The following KDR variants were observed in gnomAD, a reference collection of about 807,000 sequenced individuals.
KDR encodes kinase insert domain receptor.
KDR carries 43 observed loss-of-function variants against 160.9 expected under a neutral mutation model. The ratio of observed to expected loss-of-function variants is 0.27; its 90% CI spans 0.21 to 0.34. The LOEUF (loss-of-function observed/expected upper bound fraction) is 0.34. KDR is among the 10% of genes least tolerant of loss of function. KDR has a pLI of 1.00. For synonymous variants in KDR, 617 were observed against 600.1 expected, an observed-to-expected ratio of 1.03 and a Z score of -0.41; for missense variants, 1,469 against 1,666.4, an observed-to-expected ratio of 0.88 and a Z score of 2.06.
At chr4:55,102,563 T>G in intron 13 of KDR, 55 bp from the exon 14 acceptor site, 1 of 1,596,728 alleles carries the variant, frequency 6.3e-7, no homozygotes, top group Middle Eastern at 1.7e-4. Context: ...TTGAAATGGT[T>G]CTGGTATCAG....
At chr4:55,097,287 T>C (rs1002363951) in intron 18 of KDR, among the ~76,000 whole-genome samples, 1 of 152,242 alleles carries the variant, frequency 6.6e-6, no homozygotes, top group African/African-American at 2.4e-5. Flanking sequence ...TATTTCACTA[T>C]CTTCCTTTCC....
intron 15 of KDR, 53 bp downstream of exon 15, chr4:55,101,844 C>T: frequency 6.8e-7 from 1 of 1,463,946 alleles, no homozygotes; most frequent in Non-Finnish European, 9.5e-7. Context: ...CTTTTTACGG[C>T]TGCATAGCAT....
At chr4:55,103,158 A>G (rs1024725999) in intron 13 of KDR, among the ~76,000 whole-genome samples, 2 of 152,196 alleles carry the variant, frequency 1.3e-5, no homozygotes, top group African/African-American at 4.8e-5. Context: ...CAAAACAACA[A>G]TACCCTAAGG....
At chr4:55,100,666 G>A (rs368135291) in intron 15 of KDR, among the ~76,000 whole-genome samples, 1 of 152,160 alleles carries the variant, frequency 6.6e-6, no homozygotes, top group African/African-American at 2.4e-5. Flanking sequence ...ATTTGCAAGT[G>A]TAGTTTATGA....
chr4:55,105,259 A>G (rs1720417383), intron 12 of KDR, among the ~76,000 whole-genome samples: 1 of 152,200 alleles, frequency 6.6e-6, no homozygotes, highest in Non-Finnish European at 1.5e-5. Context: ...TAAAAATCCA[A>G]AGCAAAATCT....
chr4:55,082,543 A>T lies in KDR; in HGVS notation c.3755T>A (p.Ile1252Asn), dbSNP rs111307973. ...IPLEEPEVKV[I>N]PDDNQTDSGM... ...TTTAAAAGACGTACTTACATCTGGGATTACTTTTACTTCTGGTTCTTCTAA... is the reference window on the plus strand; with the variant it reads ...TTTAAAAGACGTACTTACATCTGGGTTTACTTTTACTTCTGGTTCTTCTAA... Residue 1252 changes from isoleucine (I) to asparagine (N), a missense_variant, in exon 28 of 30, where the codon ATC (isoleucine) becomes AAC (asparagine). Physicochemically the swap from Ile to Asn is moderately radical, Grantham distance 149. Around this residue, in one of 7 missense-constraint regions of KDR, gnomAD observed 229 missense variants for 197.8 expected, o/e 1.16. Coordinates refer to ENST00000263923, the MANE Select transcript of KDR (RefSeq NM_002253.4). 1.4e-5 allele frequency: 22 copies of T among 1,605,302 alleles called. No individual in the cohort carries two copies. Among genetic ancestry groups the T allele is most frequent in the Non-Finnish European group, 1.9e-5 (22 of 1,172,128 alleles).
intron 19 of KDR, 44 bp from the exon 20 acceptor site, chr4:55,095,709 A>G (rs987089822): frequency 1.5e-6 from 2 of 1,372,616 alleles, no homozygotes; most frequent in South Asian, 1.2e-5. Flanking sequence ...TTTCACTCAT[A>G]TTCCTCACTA....
In KDR at chr4:55,079,862, G is replaced by C. The variant is rs937239365; in HGVS notation, c.*79C>G. The C allele has an allele frequency of 2.8e-5, 36 of 1,276,062 alleles. No individual in the cohort carries two copies. The highest frequency in any genetic ancestry group is 3.9e-5 in the Non-Finnish European group (34 of 872,908). The allele number at this position is 1,276,062 out of a possible 1,614,324, so 79.0% of individuals were successfully genotyped here. On this transcript the variant is annotated 3_prime_UTR_variant, in exon 30 of 30. Coordinates refer to ENST00000263923, the MANE Select transcript of KDR (RefSeq NM_002253.4). ...AAATCAAATGCGGCTACTTCCTGCT[G>C]GTGGAAAGAACAACACTTGAAAATC...
Position 55,082,057 on chromosome 4 carries a change from T to C in KDR, c.3763-16A>G. On this transcript the variant is annotated splice_polypyrimidine_tract_variant and intron_variant, in intron 28 of 29. Transcript: ENST00000263923. ...TCTGGTTGTCCTTTTTAAGAGACAA[T>C]GAGATGGCACAGTTAATTGAGCATA... 1 of 1,538,732 alleles carries C rather than the reference T, an allele frequency of 6.5e-7. No individual in the cohort carries two copies. Among genetic ancestry groups the C allele is most frequent in the Non-Finnish European group, 9.0e-7 (1 of 1,111,340 alleles).
intron 7 of KDR, among the ~76,000 whole-genome samples, chr4:55,111,669 A>G (rs1172316064): frequency 6.6e-6 from 1 of 152,222 alleles, no homozygotes; most frequent in East Asian, 1.9e-4. Context: ...AAGCCAGAGC[A>G]CATCTCTCTC....
intron 27 of KDR, among the ~76,000 whole-genome samples, chr4:55,083,458 A>T (rs1178213844): frequency 6.6e-6 from 1 of 152,184 alleles, no homozygotes; most frequent in African/African-American, 2.4e-5. Context: ...GCCCTCTTCA[A>T]ACAAAGCTCA....
Position 55,097,714 on chromosome 4 carries a change from A to G in KDR, c.2562T>C (p.Phe854=), listed in dbSNP as rs1234810020. 6.2e-7 allele frequency: 1 copy of G among 1,613,310 alleles called. No homozygotes were observed. Among genetic ancestry groups the G allele is most frequent in the Non-Finnish European group, 8.5e-7 (1 of 1,179,686 alleles). ...TGCAAGTTGCTGTCTTGTCAATTCC[A>G]AAGGCATCTGCTTCAATCACTTGGC... ...AFGQVIEADA[F]GIDKTATCRT... Residue 854 remains phenylalanine (F), a synonymous_variant, in exon 18 of 30, where the codon TTT becomes TTC. Transcript: ENST00000263923.
At chr4:55,108,175 A>C (rs1578136100) in intron 9 of KDR, among the ~76,000 whole-genome samples, 1 of 149,346 alleles carries the variant, frequency 6.7e-6, no homozygotes, top group East Asian at 2.0e-4. Context: ...AGCCTGGGCC[A>C]CATGGTGAGA....
At chr4:55,099,299 C>A (rs1345348924) in intron 15 of KDR, among the ~76,000 whole-genome samples, 1 of 152,158 alleles carries the variant, frequency 6.6e-6, no homozygotes. Context: ...GGATTACAGG[C>A]ATAAGCCACC....
At chr4:55,111,462 C>T (rs987670234) in intron 7 of KDR, among the ~76,000 whole-genome samples, 31 of 152,244 alleles carry the variant, frequency 2.0e-4, no homozygotes, top group African/African-American at 6.3e-4. Context: ...AATTGATCAG[C>T]GGACCCTGTT....
At chr4:55,111,850 C>G (rs1334345687) in intron 7 of KDR, among the ~76,000 whole-genome samples, 2 of 152,314 alleles carry the variant, frequency 1.3e-5, no homozygotes, top group African/African-American at 4.8e-5. Flanking sequence ...GAGTTCCAAT[C>G]TCAGCTTCAA....
chr4:55,104,804 A>C lies in KDR; in HGVS notation c.1826T>G (p.Leu609Arg). ...GAACATGGTGGCATTCAATTTCCAA[A>C]GAGTATCCAAGTTCTTGCAAACAGG... ...PTPVCKNLDT[L>R]WKLNATMFSN... The change falls in exon 13 of 30, where the codon CTT becomes CGT. Residue 609 changes from leucine (L) to arginine (R), a missense_variant. Leu to Arg is a moderately radical substitution (Grantham distance 102). Coordinates refer to ENST00000263923, the MANE Select transcript of KDR (RefSeq NM_002253.4). 8 of 1,613,988 alleles carry C rather than the reference A, an allele frequency of 5.0e-6. No homozygotes were observed. The highest frequency in any genetic ancestry group is 6.8e-6 in the Non-Finnish European group (8 of 1,179,912).
At chr4:55,122,473 C>T (rs866553674) in intron 1 of KDR, among the ~76,000 whole-genome samples, 5 of 152,034 alleles carry the variant, frequency 3.3e-5, no homozygotes, top group Non-Finnish European at 5.9e-5. Context: ...ACAAATAGGA[C>T]GAAGTATGAG....
At chr4:55,092,753 A>G (rs758173629) in intron 21 of KDR, 39 bp from the exon 22 acceptor site, 1 of 1,373,344 alleles carries the variant, frequency 7.3e-7, no homozygotes, top group South Asian at 1.2e-5. Flanking sequence ...CAGTATTTCC[A>G]TGAGTTAGTG....
Sources: gnomAD v4.1 joint callset for allele counts (sites outside exome capture counted in the v4.1 genomes callset) on GRCh38, gnomAD v4.1.1 for gene constraint, gnomAD v4.1.1 regional missense constraint, MANE v1.5 for transcripts, NCBI Gene and HGNC (gene_info 2026-07-23, HGNC 2026-07-21) for gene names.